Variants in KIFC3 observed in about 807,000 individuals in gnomAD.
The protein encoded by KIFC3 is kinesin-like protein KIFC3.
A neutral mutation model predicts 101.8 loss-of-function variants in KIFC3; 60 were observed. That is an observed-to-expected ratio of 0.59 (90% CI 0.48 to 0.73). The LOEUF (loss-of-function observed/expected upper bound fraction) is 0.73. Ranked by LOEUF, KIFC3 falls within the 30% of genes least tolerant of loss-of-function variation. The pLI, the probability that KIFC3 is intolerant of heterozygous loss-of-function variation, is 0.00. For synonymous variants in KIFC3, 476 were observed against 482.7 expected (o/e 0.99, Z 0.18); for missense variants, 966 against 1,137.1 (o/e 0.85, Z 2.16).
At chr16:57,795,466 G>A (rs1555622349) in intron 2 of KIFC3, among the ~76,000 whole-genome samples, 2 of 152,246 alleles carry the variant, frequency 1.3e-5, no homozygotes, top group African/African-American at 2.4e-5. Flanking sequence ...GTGGAAGGAA[G>A]CCATTGCCAG....
At chr16:57,788,365 G>C (rs2053546433) in intron 3 of KIFC3, among the ~76,000 whole-genome samples, 1 of 152,208 alleles carries the variant, frequency 6.6e-6, no homozygotes, top group Admixed American at 6.5e-5. Flanking sequence ...GGGAGGCATG[G>C]GTGAGATGAA....
chr16:57,862,385 G>A (rs544569422), intron 1 of KIFC3, among the ~76,000 whole-genome samples: 27 of 152,032 alleles, frequency 1.8e-4, no homozygotes, highest in African/African-American at 6.0e-4. Context: ...GTTTATTTCT[G>A]GAATTTTCCA....
chr16:57,859,346 T>G (rs531092954), intron 1 of KIFC3, among the ~76,000 whole-genome samples: 1 of 152,322 alleles, frequency 6.6e-6, no homozygotes, highest in Non-Finnish European at 1.5e-5. Flanking sequence ...ATCTATATTC[T>G]CAGCTTGAGT....
intron 1 of KIFC3, among the ~76,000 whole-genome samples, chr16:57,852,586 T>C (rs183376924): frequency 2.6e-5 from 4 of 152,350 alleles, no homozygotes; most frequent in Admixed American, 2.6e-4. Context: ...TTTATCCTTA[T>C]GGATTTTTAC....
chr16:57,851,570 C>CTT lies in KIFC3; in HGVS notation c.108+11157_108+11158dup, dbSNP rs11376679. Among the ~76,000 whole-genome samples the CTT allele has an allele frequency of 9.3e-3, 1,344 of 144,098 alleles. 21 individuals carry two copies. Among genetic ancestry groups the CTT allele is most frequent in the African/African-American group, 0.03 (1,159 of 39,276 alleles). 94.5% of individuals were successfully genotyped at this position (144,098 alleles called of 152,430 possible). On this transcript the variant is annotated intron_variant, in intron 1 of 2. Transcript: ENST00000563028. ...CTATTATAATATTCGTTCGTTCATT[C>CTT]TTTTTTTTTTTTTTGAGGCAGAGTC... is the stretch of plus-strand genomic sequence containing the variant.
At chr16:57,761,687 C>CGT in intron 13 of KIFC3, 151 bp from the exon 14 acceptor site, 1 of 828,118 alleles carries the variant, frequency 1.2e-6, no homozygotes, top group Non-Finnish European at 1.9e-6. Context: ...AGCTCCTCCA[C>CGT]CGCATTCAGC....
chr16:57,759,101 C>T, intron 19 of KIFC3, 24 bp downstream of exon 19: 1 of 1,550,322 alleles, frequency 6.5e-7, no homozygotes, highest in Non-Finnish European at 8.7e-7. Flanking sequence ...GCGGGCAGCC[C>T]TGGGCCACAG....
At chr16:57,847,260 A>G (rs1273040042) in intron 1 of KIFC3, among the ~76,000 whole-genome samples, 4 of 76,778 alleles carry the variant, frequency 5.2e-5, no homozygotes, top group African/African-American at 1.5e-4. Context: ...GGAAGGAAGG[A>G]AGGAAGGAAG....
At chr16:57,760,452 A>C (rs1555595240) in intron 16 of KIFC3, 36 bp from the exon 17 acceptor site, 1 of 1,601,064 alleles carries the variant, frequency 6.2e-7, no homozygotes, top group Admixed American at 1.7e-5. Flanking sequence ...CACCCGGGCC[A>C]GCTGGAGGGG....
chr16:57,811,999 G>C (rs2055091816), intron 1 of KIFC3, among the ~76,000 whole-genome samples: 1 of 149,882 alleles, frequency 6.7e-6, no homozygotes, highest in African/African-American at 2.5e-5. Context: ...GCTATGATCA[G>C]ACCACTGCAC....
Position 57,857,156 on chromosome 16 carries a change from T to A in KIFC3, c.108+5573A>T, listed in dbSNP as rs368696039. On this transcript the variant is annotated intron_variant, in intron 1 of 2. Transcript: ENST00000563028. ...GCAGCACAGGCCCACTCTCCCTGTG[T>A]GCTGTGTGTCTTCCAAGGATCTTCA... Among the ~76,000 whole-genome samples the A allele has an allele frequency of 3.3e-5, 5 of 152,294 alleles. No individual in the cohort carries two copies. In the East Asian group the frequency reaches 9.7e-4, roughly 29 times the overall value.
At chr16:57,819,291 G>A (rs2055300639) in intron 1 of KIFC3, among the ~76,000 whole-genome samples, 1 of 152,186 alleles carries the variant, frequency 6.6e-6, no homozygotes, top group South Asian at 2.1e-4. Flanking sequence ...GCAACACAGG[G>A]AGACCCTGTC....
chr16:57,765,747 C>T, intron 10 of KIFC3, 107 bp from the exon 11 acceptor site: 1 of 1,042,776 alleles, frequency 9.6e-7, no homozygotes, highest in East Asian at 2.6e-5. Flanking sequence ...AGTCCCCTGA[C>T]TTTTAAGCAC....
chr16:57,841,158 C>T (rs555456683), intron 1 of KIFC3, among the ~76,000 whole-genome samples: 4 of 152,190 alleles, frequency 2.6e-5, no homozygotes, highest in East Asian at 1.9e-4. Flanking sequence ...GATAGAGGAC[C>T]GTAACAGTGG....
rs782491796 is a variant in KIFC3, at chr16:57,771,220, C to T, written c.743G>A (p.Arg248Gln). ...CACCTTGACAGGTGGGGACTGGGCCCGCAGGCTGGCAATGGTCTCGTGGCT... is the reference window on the plus strand; with the variant it reads ...CACCTTGACAGGTGGGGACTGGGCCTGCAGGCTGGCAATGGTCTCGTGGCT... ...RDSHETIASL[R>Q]AQSPPVKYVI... The change falls in exon 6 of 20, where the codon CGG (arginine) becomes CAG (glutamine). Residue 248 changes from arginine (R) to glutamine (Q), a missense_variant. Physicochemically the swap from Arg to Gln is conservative, Grantham distance 43. Around this residue, in one of 2 missense-constraint regions of KIFC3, gnomAD observed 689 missense variants for 884.6 expected, o/e 0.78. Transcript: ENST00000445690. 4.3e-6 allele frequency: 7 copies of T among 1,612,712 alleles called. No homozygotes were observed. The highest frequency in any genetic ancestry group is 1.8e-4 in the Middle Eastern group (1 of 5,690).
intron 2 of KIFC3, chr16:57,797,711 T>C: frequency 1.7e-6 from 2 of 1,154,832 alleles, no homozygotes; most frequent in Non-Finnish European, 2.1e-6. Flanking sequence ...CTACCTTGTT[T>C]ACCAGCCTGG....
chr16:57,801,816 G>A (rs1555625597), intron 1 of KIFC3, among the ~76,000 whole-genome samples: 1 of 152,242 alleles, frequency 6.6e-6, no homozygotes, highest in African/African-American at 2.4e-5. Context: ...TCCTGGGATC[G>A]CCCTCCCTGC....
intron 1 of KIFC3, chr16:57,830,626 A>T (rs1298917320): frequency 1.3e-5 from 2 of 152,220 alleles, no homozygotes; most frequent in African/African-American, 4.8e-5. Context: ...TAGTATATGT[A>T]CTGCCAAAGC....
chr16:57,786,197 A>G (rs1559405), intron 3 of KIFC3, among the ~76,000 whole-genome samples: 21,142 of 152,160 alleles, frequency 0.14, 2,229 homozygotes, highest in African/African-American at 0.29. Flanking sequence ...ACCAGGACAC[A>G]AAGCCAGCCC....
Sources: gnomAD v4.1 joint callset for allele counts (sites outside exome capture counted in the v4.1 genomes callset) on GRCh38, gnomAD v4.1.1 for gene constraint, gnomAD v4.1.1 regional missense constraint, MANE v1.5 for transcripts, NCBI Gene and HGNC (gene_info 2026-07-23, HGNC 2026-07-21) for gene names.